Variants in GRIK1 observed in about 807,000 individuals in gnomAD.
The protein encoded by GRIK1 is glutamate ionotropic receptor kainate type subunit 1.
Under a neutral mutation model 105.7 loss-of-function variants are expected in GRIK1, and 69 were observed. The observed-to-expected ratio is 0.65, with a 90% confidence interval of 0.54 to 0.80. The LOEUF (loss-of-function observed/expected upper bound fraction) is 0.80, where lower values mean the gene tolerates loss of function less well. GRIK1 is among the 30% of genes least tolerant of loss of function. The probability of loss-of-function intolerance (pLI) is 0.00; values close to 1 mark genes in which losing one functional copy is unlikely to be tolerated. For missense variants in GRIK1, 1,109 were observed against 1,167.3 expected (o/e 0.95, Z 0.73); for synonymous variants, 438 against 431.3 (o/e 1.02, Z -0.19).
At chr21:29,634,433 G>A (rs1034474018) in intron 7 of GRIK1, among the ~76,000 whole-genome samples, 1 of 152,188 alleles carries the variant, frequency 6.6e-6, no homozygotes, top group African/African-American at 2.4e-5. Context: ...TTTTGGAGCA[G>A]ATCAATTAGG....
At chr21:29,798,332 G>A (rs76596405) in intron 1 of GRIK1, among the ~76,000 whole-genome samples, 3,681 of 152,232 alleles carry the variant, frequency 0.024, 110 homozygotes, top group East Asian at 0.1. Flanking sequence ...GCTAACAATA[G>A]GATGGATAAA....
At chr21:29,921,985 G>C (rs2071208923) in intron 1 of GRIK1, among the ~76,000 whole-genome samples, 1 of 152,076 alleles carries the variant, frequency 6.6e-6, no homozygotes, top group African/African-American at 2.4e-5. Context: ...CCTTCTGGGT[G>C]ATACTATTGT....
chr21:29,641,799 T>C (rs753772058), intron 7 of GRIK1, among the ~76,000 whole-genome samples: 1 of 152,176 alleles, frequency 6.6e-6, no homozygotes, highest in Non-Finnish European at 1.5e-5. Context: ...CTCACCCTCA[T>C]GGATCAGAGT....
intron 1 of GRIK1, among the ~76,000 whole-genome samples, chr21:29,783,611 G>C (rs1289796283): frequency 6.6e-6 from 1 of 152,084 alleles, no homozygotes; most frequent in East Asian, 1.9e-4. Flanking sequence ...TGAACTCAGT[G>C]AGATCAGTAA....
chr21:29,917,209 T>A (rs1409033726), intron 1 of GRIK1, among the ~76,000 whole-genome samples: 1 of 152,048 alleles, frequency 6.6e-6, no homozygotes, highest in Non-Finnish European at 1.5e-5. Flanking sequence ...CCATTTATTT[T>A]TCACAAAAGA....
At chr21:29,697,938 CT>C (rs1159998602) in intron 1 of GRIK1, among the ~76,000 whole-genome samples, 1 of 135,142 alleles carries the variant, frequency 7.4e-6, no homozygotes, top group African/African-American at 3.2e-5. Context: ...CTCTTTCTTT[CT>C]TTCTTTCTTT....
At chr21:29,560,395 TCCTTCCTTTC>T in intron 15 of GRIK1, among the ~76,000 whole-genome samples, 1 of 89,294 alleles carries the variant, frequency 1.1e-5, no homozygotes, top group Non-Finnish European at 2.3e-5. Context: ...CTTCCTTCCT[TCCTTCCTTTC>T]TTTCTTTCTT....
intron 1 of GRIK1, among the ~76,000 whole-genome samples, chr21:29,881,448 C>T (rs1225406932): frequency 1.3e-5 from 2 of 152,108 alleles, no homozygotes; most frequent in Non-Finnish European, 2.9e-5. Context: ...ATCAGAGAGG[C>T]TGAGTCGCTT....
At chr21:29,564,601 G>T (rs534739857) in intron 14 of GRIK1, among the ~76,000 whole-genome samples, 1 of 152,328 alleles carries the variant, frequency 6.6e-6, no homozygotes, top group East Asian at 1.9e-4. Context: ...GGAATTGAAG[G>T]ATATGGGAAA....
At chr21:29,757,571 C>G (rs532100762) in intron 1 of GRIK1, among the ~76,000 whole-genome samples, 3 of 152,108 alleles carry the variant, frequency 2.0e-5, no homozygotes, top group Non-Finnish European at 4.4e-5. Flanking sequence ...CTAATAAATA[C>G]CTGCTTAAAA....
At chr21:29,620,770 C>CATATATATATATATAT (rs200139967) in intron 7 of GRIK1, among the ~76,000 whole-genome samples, 1 of 117,440 alleles carries the variant, frequency 8.5e-6, no homozygotes, top group African/African-American at 3.9e-5. Context: ...GTATGAAAGT[C>CATATATATATATATAT]ATATATATAT....
At chr21:29,936,057 T>A (rs555827000) in intron 1 of GRIK1, among the ~76,000 whole-genome samples, 1 of 152,346 alleles carries the variant, frequency 6.6e-6, no homozygotes, top group African/African-American at 2.4e-5. Flanking sequence ...ATTCAATTTA[T>A]CAGATGCAAC....
chr21:29,625,582 T>A (rs912584744), intron 7 of GRIK1, among the ~76,000 whole-genome samples: 2 of 152,108 alleles, frequency 1.3e-5, no homozygotes, highest in African/African-American at 4.8e-5. Context: ...TTAAAGTAAC[T>A]TAAGTACTGA....
intron 8 of GRIK1, among the ~76,000 whole-genome samples, chr21:29,597,016 TG>T (rs1227309212): frequency 6.6e-6 from 1 of 152,006 alleles, no homozygotes; most frequent in African/African-American, 2.4e-5. Context: ...GAAGTATGCT[TG>T]ATGACTTGTT....
At chr21:29,892,310 G>A (rs2146224684) in intron 1 of GRIK1, among the ~76,000 whole-genome samples, 1 of 152,320 alleles carries the variant, frequency 6.6e-6, no homozygotes, top group East Asian at 1.9e-4. Context: ...GAAGCTAGGA[G>A]GTAAAGGAAG....
At chr21:29,664,003 T>C (rs185498017) in intron 4 of GRIK1, among the ~76,000 whole-genome samples, 2 of 152,292 alleles carry the variant, frequency 1.3e-5, no homozygotes, top group African/African-American at 4.8e-5. Flanking sequence ...CTCCACTGTT[T>C]GCTAACTAAT....
chr21:29,653,044 A>AT (rs1277826708), intron 5 of GRIK1, among the ~76,000 whole-genome samples: 2 of 152,120 alleles, frequency 1.3e-5, no homozygotes, highest in African/African-American at 4.8e-5. Flanking sequence ...CTAAGTAACT[A>AT]TTTTTTTCTT....
chr21:29,637,293 T>C (rs907881998), intron 7 of GRIK1, among the ~76,000 whole-genome samples: 1 of 152,210 alleles, frequency 6.6e-6, no homozygotes, highest in Non-Finnish European at 1.5e-5. Context: ...GATGCTTCAG[T>C]GCTTGCTGCT....
At chr21:29,892,342 G>C (rs1314584474) in intron 1 of GRIK1, among the ~76,000 whole-genome samples, 1 of 152,224 alleles carries the variant, frequency 6.6e-6, no homozygotes, top group East Asian at 1.9e-4. Flanking sequence ...TGAATCCTTG[G>C]AACAAGCATG....
Sources: allele counts gnomAD v4.1 joint callset (sites outside exome capture counted in the v4.1 genomes callset), GRCh38; gene constraint gnomAD v4.1.1; transcripts MANE v1.5; gene names NCBI Gene and HGNC (gene_info 2026-07-23, HGNC 2026-07-21).